PRDM16: variants seen among roughly 807,000 people sequenced by gnomAD.
The protein encoded by PRDM16 is PR/SET domain 16.
In PRDM16, 23 loss-of-function variants were observed where a neutral mutation model predicts 110.6. The observed-to-expected ratio is 0.21, with a 90% CI of 0.15 to 0.29. The LOEUF (loss-of-function observed/expected upper bound fraction) is 0.29. PRDM16 is among the 10% of genes least tolerant of loss of function. PRDM16 has a pLI of 1.00. For synonymous variants in PRDM16, 799 were observed against 781.8 expected, an observed-to-expected ratio of 1.02 and a Z score of -0.37; for missense variants, 1,615 against 1,794.3, an observed-to-expected ratio of 0.90 and a Z score of 1.81.
intron 1 of PRDM16, among the ~76,000 whole-genome samples, chr1:3,161,411 T>C (rs1250222328): frequency 6.6e-6 from 1 of 152,198 alleles, no homozygotes; most frequent in Non-Finnish European, 1.5e-5. Context: ...ATTTCCTCTC[T>C]CCTTTCTCCT....
intron 1 of PRDM16, among the ~76,000 whole-genome samples, chr1:3,158,610 G>C (rs1004741930): frequency 1.3e-5 from 2 of 152,000 alleles, no homozygotes; most frequent in African/African-American, 2.4e-5. Context: ...TGTTATGGGG[G>C]GAAAAGAGGA....
chr1:3,322,528 C>A (rs1227698874), intron 3 of PRDM16, among the ~76,000 whole-genome samples: 1 of 152,124 alleles, frequency 6.6e-6, no homozygotes, highest in Non-Finnish European at 1.5e-5. Flanking sequence ...CCACCCACCC[C>A]CACTCTGAGG....
intron 1 of PRDM16, among the ~76,000 whole-genome samples, chr1:3,117,051 C>T (rs1642978403): frequency 6.6e-6 from 1 of 152,224 alleles, no homozygotes; most frequent in Admixed American, 6.5e-5. Context: ...CAGCTGCCCC[C>T]AGGACCCACG....
rs569563168 is a variant in PRDM16, at chr1:3,100,514, C to T, written c.37+31218C>T. Reference sequence around the variant, plus strand: ...CCCCTGCAGAACCTCCACGCCCTGCCCTCAGTGGACGGGGCCTCTGCTGGG... The same window carrying T: ...CCCCTGCAGAACCTCCACGCCCTGCTCTCAGTGGACGGGGCCTCTGCTGGG... On this transcript the variant is annotated intron_variant, in intron 1 of 16. Coordinates refer to ENST00000270722, the MANE Select transcript of PRDM16 (RefSeq NM_022114.4). Among the ~76,000 whole-genome samples the T allele has an allele frequency of 2.0e-5, 3 of 152,112 alleles. No individual in the cohort carries two copies. In the South Asian group the frequency reaches 6.2e-4, roughly 31 times the overall value.
intron 3 of PRDM16, among the ~76,000 whole-genome samples, chr1:3,373,306 C>T (rs527395578): frequency 2.6e-5 from 4 of 152,152 alleles, no homozygotes; most frequent in Admixed American, 6.5e-5. Context: ...TCCTTGAGGT[C>T]GGAAATCGCC....
rs751991022 is a variant in PRDM16 at position 3,432,114 on chromosome 1, A to G, written c.3670A>G (p.Thr1224Ala). 3 of 1,613,886 alleles carry G rather than the reference A, an allele frequency of 1.9e-6. No individual in the cohort carries two copies. In the Admixed American group the frequency reaches 5.0e-5, roughly 27 times the overall value. The change falls in exon 16 of 17, where the codon ACA (threonine) becomes GCA (alanine). Residue 1224 changes from threonine to alanine, a missense_variant. Coordinates refer to ENST00000270722, the MANE Select transcript of PRDM16 (RefSeq NM_022114.4). ...CTTAGATTCTGAGGCTTTAAAACAT[A>G]CACTGTGCAGGCAGGCTAAGAACCA... ...STLDSEALKH[T>A]LCRQAKNQAY...
At chr1:3,322,159 GTGTGTGTGTGCTGTGCACAC>G (rs1641772118) in intron 3 of PRDM16, among the ~76,000 whole-genome samples, 1 of 146,130 alleles carries the variant, frequency 6.8e-6, no homozygotes, top group African/African-American at 2.8e-5. Context: ...TGAGTGCACT[GTGTGTGTGTGCTGTGCACAC>G]TGTGTGTGTG....
chr1:3,268,702 T>G (rs571004593), intron 3 of PRDM16, among the ~76,000 whole-genome samples: 15 of 152,278 alleles, frequency 9.9e-5, no homozygotes, highest in Admixed American at 3.3e-4. Flanking sequence ...AACCCCAGAG[T>G]TCCCTGAAGA....
intron 2 of PRDM16, among the ~76,000 whole-genome samples, chr1:3,225,167 AAG>A (rs983927825): frequency 9.9e-5 from 15 of 152,188 alleles, no homozygotes; most frequent in African/African-American, 3.1e-4. Context: ...AGGAAAAAAA[AAG>A]GCATAGAGGG....
chr1:3,249,631 G>A (rs1051994184), intron 3 of PRDM16, among the ~76,000 whole-genome samples: 3 of 152,132 alleles, frequency 2.0e-5, no homozygotes, highest in African/African-American at 4.8e-5. Context: ...GATCAGTTAT[G>A]TCTTTATGAA....
chr1:3,355,839 C>G (rs1285322495), intron 3 of PRDM16, among the ~76,000 whole-genome samples: 1 of 152,186 alleles, frequency 6.6e-6, no homozygotes, highest in African/African-American at 2.4e-5. Context: ...GCCAGTCCTG[C>G]CCGCCCAGCC....
At chr1:3,150,790 CCTT>C (rs1217046240) in intron 1 of PRDM16, among the ~76,000 whole-genome samples, 1 of 151,110 alleles carries the variant, frequency 6.6e-6, no homozygotes, top group Non-Finnish European at 1.5e-5. Flanking sequence ...TGAGCTTCCT[CCTT>C]ACTTTTTGGT....
At chr1:3,149,581 G>C (rs1284334831) in intron 1 of PRDM16, among the ~76,000 whole-genome samples, 1 of 152,208 alleles carries the variant, frequency 6.6e-6, no homozygotes, top group Non-Finnish European at 1.5e-5. Flanking sequence ...AGCTGACGGA[G>C]GCCAGGAATC....
chr1:3,087,472 G>C (rs555872713), intron 1 of PRDM16, among the ~76,000 whole-genome samples: 158 of 152,326 alleles, frequency 1.0e-3, no homozygotes, highest in African/African-American at 3.6e-3. Context: ...GGTCAGGTTA[G>C]GTTAGGGTCC....
chr1:3,114,548 A>C (rs1215125704), intron 1 of PRDM16, among the ~76,000 whole-genome samples: 1 of 151,934 alleles, frequency 6.6e-6, no homozygotes, highest in East Asian at 1.9e-4. Context: ...ACATGAACAC[A>C]CACACGTGCA....
At chr1:3,077,234 C>T (rs1344955352) in intron 1 of PRDM16, among the ~76,000 whole-genome samples, 1 of 152,218 alleles carries the variant, frequency 6.6e-6, no homozygotes, top group Non-Finnish European at 1.5e-5. Flanking sequence ...TGGGCCCGGG[C>T]CCTGCCCCCT....
intron 3 of PRDM16, among the ~76,000 whole-genome samples, chr1:3,360,189 C>T (rs565359944): frequency 4.6e-5 from 7 of 152,316 alleles, no homozygotes; most frequent in South Asian, 4.1e-4. Context: ...GCCCAGGACA[C>T]GTTTTCTGTG....
At chr1:3,171,922 G>T (rs999366221) in intron 1 of PRDM16, among the ~76,000 whole-genome samples, 1 of 152,130 alleles carries the variant, frequency 6.6e-6, no homozygotes, top group Non-Finnish European at 1.5e-5. Flanking sequence ...CGAGCTCCAG[G>T]TGCAAGCCCC....
At chr1:3,278,906 C>G (rs1640648655) in intron 3 of PRDM16, among the ~76,000 whole-genome samples, 1 of 152,230 alleles carries the variant, frequency 6.6e-6, no homozygotes, top group African/African-American at 2.4e-5. Flanking sequence ...CGAGCCGTGG[C>G]CTCTCCCATC....
Sources: gnomAD v4.1 joint callset for allele counts (sites outside exome capture counted in the v4.1 genomes callset) on GRCh38, gnomAD v4.1.1 for gene constraint, MANE v1.5 for transcripts, NCBI Gene and HGNC (gene_info 2026-07-23, HGNC 2026-07-21) for gene names.